The following PCDHGA3 variants were observed in gnomAD, a reference collection of about 807,000 sequenced individuals.
PCDHGA3 encodes protocadherin gamma subfamily A, 3, also known as protocadherin gamma-A3.
In PCDHGA3, 40 loss-of-function variants were observed where a neutral mutation model predicts 58.5. That is an observed-to-expected ratio of 0.68 (90% CI 0.53 to 0.89). The LOEUF is 0.89. Ranked by LOEUF, PCDHGA3 falls within the 40% of genes least tolerant of loss-of-function variation. PCDHGA3 has a pLI of 0.00. For missense variants in PCDHGA3, 1,223 were observed against 1,195.9 expected (o/e 1.02, Z -0.33); for synonymous variants, 530 against 525.7 (o/e 1.01, Z -0.11).
intron 1 of PCDHGA3, chr5:141,423,659 A>C (rs369390148): frequency 6.4e-7 from 1 of 1,551,038 alleles, no homozygotes; most frequent in African/African-American, 1.4e-5. Flanking sequence ...ACAAGTAATC[A>C]GGTGAGATTT....
chr5:141,435,718 G>T (rs2097776232), intron 1 of PCDHGA3, among the ~76,000 whole-genome samples: 1 of 152,150 alleles, frequency 6.6e-6, no homozygotes, highest in African/African-American at 2.4e-5. Context: ...GACACTGAAT[G>T]CTAAAGTGTA....
chr5:141,429,858 A>T (rs1183727412), intron 1 of PCDHGA3, among the ~76,000 whole-genome samples: 1 of 152,192 alleles, frequency 6.6e-6, no homozygotes, highest in East Asian at 1.9e-4. Context: ...CATTCTTTGG[A>T]CTACCAATTT....
At chr5:141,362,700 T>G in intron 1 of PCDHGA3, 6 of 1,033,758 alleles carry the variant, frequency 5.8e-6, no homozygotes, top group Non-Finnish European at 8.2e-6. Context: ...CTAACTGAAT[T>G]TTAAGTGTTT....
rs770808281 is a variant in PCDHGA3, at chr5:141,375,056, C to T, written c.2424+28599C>T. The T allele has an allele frequency of 1.9e-6, 3 of 1,613,848 alleles. No individual in the cohort carries two copies. The East Asian group carries it at 6.7e-5, about 36-fold the overall frequency. On this transcript the variant is annotated intron_variant, in intron 1 of 3. Transcript: ENST00000253812. ...GCTGGGTGTTGAAGCCCGGGATGGG[C>T]CAGGTCTTCGAGACAGAGCGAAAGT...
chr5:141,370,392 G>GGGATGGGAAATAGCTCC, intron 1 of PCDHGA3: 1 of 1,544,790 alleles, frequency 6.5e-7, no homozygotes, highest in Non-Finnish European at 8.7e-7. Context: ...CGCAGAGAGC[G>GGGATGGGAAATAGCTCC]GGATGGGAAA....
chr5:141,345,059 C>T lies in PCDHGA3; in HGVS notation c.1026C>T (p.Asp342=). 2 of 1,613,898 alleles carry T rather than the reference C, an allele frequency of 1.2e-6. No homozygotes were observed. The highest frequency in any genetic ancestry group is 1.7e-6 in the Non-Finnish European group (2 of 1,179,866). Residue 342 remains aspartate (D), a synonymous_variant, in exon 1 of 4, where the codon GAC becomes GAT. Coordinates refer to ENST00000253812, the MANE Select transcript of PCDHGA3 (RefSeq NM_018916.4). The part of the protein sequence containing the change: ...KILVTVLDVN[D]NAPEITITSL... ...TAGTCACGGTTCTGGATGTGAATGA[C>T]AATGCTCCAGAAATTACAATCACGT...
In PCDHGA3 at chr5:141,434,333, G is replaced by A. The variant is rs200059384; in HGVS notation, c.2425-60474G>A. On this transcript the variant is annotated intron_variant, in intron 1 of 3. Coordinates refer to ENST00000253812, the MANE Select transcript of PCDHGA3 (RefSeq NM_018916.4). The stretch of plus-strand genomic sequence containing the variant: ...TCTTCCTCTTGCTGCTTGTCTCTTT[G>A]TGTCGGGAACAGGCCCCCCAAAATC... Among the ~76,000 whole-genome samples, 23 of 152,220 alleles carry A rather than the reference G, an allele frequency of 1.5e-4. No individual in the cohort carries two copies. In the East Asian group the frequency reaches 4.3e-3, roughly 28 times the overall value.
chr5:141,358,889 AT>A (rs1561517339), intron 1 of PCDHGA3, among the ~76,000 whole-genome samples: 2 of 152,198 alleles, frequency 1.3e-5, no homozygotes, highest in African/African-American at 4.8e-5. Context: ...CTCTGGGATT[AT>A]TTTATATGAG....
chr5:141,435,629 A>G (rs2097772414), intron 1 of PCDHGA3, among the ~76,000 whole-genome samples: 1 of 152,162 alleles, frequency 6.6e-6, no homozygotes, highest in Admixed American at 6.5e-5. Flanking sequence ...TAACTTTTAC[A>G]ACTATGGGAA....
At chr5:141,435,413 A>G (rs1422263053) in intron 1 of PCDHGA3, among the ~76,000 whole-genome samples, 1 of 152,122 alleles carries the variant, frequency 6.6e-6, no homozygotes, top group Admixed American at 6.5e-5. Flanking sequence ...GGTAAAGACT[A>G]TTTTTCACTT....
At chr5:141,374,037 C>G (rs1770042713) in intron 1 of PCDHGA3, 8 of 1,446,082 alleles carry the variant, frequency 5.5e-6, no homozygotes, top group Non-Finnish European at 7.3e-6. Context: ...TGATGCAGAT[C>G]TGTTCTTCCT....
At chr5:141,351,387 G>A (rs759839362) in intron 1 of PCDHGA3, 1 of 1,611,984 alleles carries the variant, frequency 6.2e-7, no homozygotes, top group Non-Finnish European at 8.5e-7. Flanking sequence ...GGGCAAAATG[G>A]CATGGTGACA....
At chr5:141,366,265 C>T (rs756734800) in intron 1 of PCDHGA3, 2 of 1,613,684 alleles carry the variant, frequency 1.2e-6, no homozygotes, top group Non-Finnish European at 1.7e-6. Context: ...TCGTGGTGGC[C>T]GTCGAAGACC....
chr5:141,388,432 A>G (rs760022375), intron 1 of PCDHGA3: 2 of 1,613,878 alleles, frequency 1.2e-6, no homozygotes, highest in Non-Finnish European at 8.5e-7. Context: ...CTGATAAATA[A>G]AGAGAAATCA....
intron 1 of PCDHGA3, among the ~76,000 whole-genome samples, chr5:141,354,139 A>G (rs539283050): frequency 1.3e-5 from 2 of 152,336 alleles, no homozygotes; most frequent in Admixed American, 1.3e-4. Context: ...GTAAAATAAT[A>G]CTGAATGTGT....
At position 141,476,326 on chromosome 5, in the gene PCDHGA3, T is replaced by A. The variant is rs752845438; in HGVS notation, c.2425-18481T>A. Reference sequence around the variant, plus strand: ...CAGCCCGCAGGTTCCGGGTGGTGTCTGGAGCTAGCCGAAGATTCTTTGAGG... The same window carrying A: ...CAGCCCGCAGGTTCCGGGTGGTGTCAGGAGCTAGCCGAAGATTCTTTGAGG... On this transcript the variant is annotated intron_variant, in intron 1 of 3. Coordinates refer to ENST00000253812, the MANE Select transcript of PCDHGA3 (RefSeq NM_018916.4). This position sits in a 1 kb window ranked among gnomAD's most constrained non-coding sequence, Gnocchi z 7.6. The A allele has an allele frequency of 6.2e-7, 1 of 1,614,120 alleles. No individual in the cohort carries two copies. Among genetic ancestry groups the A allele is most frequent in the Non-Finnish European group, 8.5e-7 (1 of 1,180,034 alleles).
At chr5:141,428,018 C>A in intron 1 of PCDHGA3, 12 of 1,604,570 alleles carry the variant, frequency 7.5e-6, no homozygotes, top group Middle Eastern at 1.7e-4. Context: ...TAGTGCCACG[C>A]GCCGCAGAGT....
At chr5:141,369,470 C>T (rs752917426) in intron 1 of PCDHGA3, among the ~76,000 whole-genome samples, 13 of 152,166 alleles carry the variant, frequency 8.5e-5, no homozygotes, top group African/African-American at 1.9e-4. Context: ...TGTTCTAGCC[C>T]AGCCTGGGCA....
chr5:141,421,307 T>C, intron 1 of PCDHGA3: 10 of 1,613,674 alleles, frequency 6.2e-6, no homozygotes, highest in Non-Finnish European at 8.5e-6. Context: ...CTGCGGGGGT[T>C]CCGGGCCAGG....
Sources: gnomAD v4.1 joint callset for allele counts (sites outside exome capture counted in the v4.1 genomes callset) on GRCh38, gnomAD v4.1.1 for gene constraint, Gnocchi (gnomAD v3.1) non-coding constraint, MANE v1.5 for transcripts, NCBI Gene and HGNC (gene_info 2026-07-23, HGNC 2026-07-21) for gene names.